The following FASLG variants were observed in gnomAD, a reference collection of about 807,000 sequenced individuals.
FASLG encodes the protein tumor necrosis factor ligand superfamily member 6.
In FASLG, 9 loss-of-function variants were observed where a neutral mutation model predicts 24.6. The observed-to-expected ratio is 0.37, with a 90% CI of 0.22 to 0.64. The LOEUF (loss-of-function observed/expected upper bound fraction) is 0.64. Ranked by LOEUF, FASLG falls within the 30% of genes least tolerant of loss-of-function variation. The pLI, the probability that FASLG is intolerant of heterozygous loss-of-function variation, is 0.64. For missense variants in FASLG, 306 were observed against 345.3 expected, an observed-to-expected ratio of 0.89 and a Z score of 0.90; for synonymous variants, 130 against 135.5, an observed-to-expected ratio of 0.96 and a Z score of 0.28.
At position 172,663,801 on chromosome 1, in the gene FASLG, G is replaced by C. The variant is rs3820654; in HGVS notation, c.395-533G>C. Among the ~76,000 whole-genome samples the C allele has an allele frequency of 8.5e-4, 130 of 152,256 alleles. 1 individual carries two copies. In the South Asian group the frequency reaches 0.017, roughly 20 times the overall value. ...GTAAAATGTCACTGGGGGAAGATCTGGTGACACGCAGACAGATCAGTAGTC... is the reference window on the plus strand; with the variant it reads ...GTAAAATGTCACTGGGGGAAGATCTCGTGACACGCAGACAGATCAGTAGTC... On this transcript the variant is annotated intron_variant, in intron 2 of 3. Transcript: ENST00000367721.
intron 2 of FASLG, among the ~76,000 whole-genome samples, chr1:172,663,983 A>G (rs961633025): frequency 2.0e-5 from 3 of 152,158 alleles, no homozygotes; most frequent in Non-Finnish European, 4.4e-5. Flanking sequence ...TCATTTTGCA[A>G]TCGATAAGGT....
intron 2 of FASLG, among the ~76,000 whole-genome samples, chr1:172,661,877 A>G (rs1659150942): frequency 6.6e-6 from 1 of 152,202 alleles, no homozygotes. Context: ...AGCGCTTTAG[A>G]AATACATAGC....
intron 2 of FASLG, among the ~76,000 whole-genome samples, chr1:172,660,418 C>T (rs896288609): frequency 2.6e-5 from 4 of 152,202 alleles, no homozygotes; most frequent in Non-Finnish European, 5.9e-5. Flanking sequence ...AACCCTGGAC[C>T]TTTGCCCCCT....
At position 172,660,251 on chromosome 1, in the gene FASLG, A is replaced by G. The variant is rs546180070; in HGVS notation, c.394+111A>G. 5.8e-5 allele frequency: 61 copies of G among 1,059,314 alleles called. No homozygotes were observed. The African/African-American group carries it at 7.3e-4, about 13-fold the overall frequency. The allele number at this position is 1,059,314 out of a possible 1,614,324, so 65.6% of individuals were successfully genotyped here. On this transcript the variant is annotated intron_variant, in intron 2 of 3. Coordinates refer to ENST00000367721, the MANE Select transcript of FASLG (RefSeq NM_000639.3). ...CCACACTTTGGTTTCTGTACACTAT[A>G]AGAGGAATTCTGGCTAATTCAGAAT...
rs1168457329 is a variant in FASLG at position 172,659,666 on chromosome 1, G to A, written c.348+117G>A. The A allele has an allele frequency of 7.8e-6, 11 of 1,407,404 alleles. No individual in the cohort carries two copies. In the East Asian group the frequency reaches 1.2e-4, roughly 16 times the overall value. The allele number at this position is 1,407,404 out of a possible 1,614,324, so 87.2% of individuals were successfully genotyped here. ...CTTTTTTTTTTTTTCTTAGAAATGG[G>A]TTGTTCTAGTTATTCTATTCTATAG... is the stretch of plus-strand genomic sequence containing the variant. On this transcript the variant is annotated intron_variant, in intron 1 of 3. Coordinates refer to ENST00000367721, the MANE Select transcript of FASLG (RefSeq NM_000639.3).
At chr1:172,665,543 C>T in intron 3 of FASLG, 79 bp from the exon 4 acceptor site, 1 of 1,535,198 alleles carries the variant, frequency 6.5e-7, no homozygotes, top group Non-Finnish European at 8.9e-7. Flanking sequence ...AAGGAAGGGC[C>T]CACAGTTTTG....
Position 172,665,991 on chromosome 1 carries a change from C to T in FASLG, c.821C>T (p.Thr274Met). 20 of 1,614,026 alleles carry T rather than the reference C, an allele frequency of 1.2e-5. No homozygotes were observed. Among genetic ancestry groups the T allele is most frequent in the Non-Finnish European group, 1.5e-5 (18 of 1,180,018 alleles). Residue 274 changes from threonine (T) to methionine (M), a missense_variant, in exon 4 of 4, where the codon ACG becomes ATG. Coordinates refer to ENST00000367721, the MANE Select transcript of FASLG (RefSeq NM_000639.3). ...LSLVNFEESQ[T>M]FFGLYKL is the part of the protein sequence containing the mutation. ...CTGGTCAATTTTGAGGAATCTCAGA[C>T]GTTTTTCGGCTTATATAAGCTCTAA...
chr1:172,662,115 T>A (rs1659155922), intron 2 of FASLG, among the ~76,000 whole-genome samples: 1 of 152,032 alleles, frequency 6.6e-6, no homozygotes. Context: ...CTAAAAGTGA[T>A]GTATCAGAAG....
At chr1:172,660,255 G>A (rs969212397) in intron 2 of FASLG, 115 bp downstream of exon 2, 1 of 1,018,512 alleles carries the variant, frequency 9.8e-7, no homozygotes, top group Non-Finnish European at 1.6e-6. Context: ...CACTATAAGA[G>A]GAATTCTGGC....
intron 2 of FASLG, among the ~76,000 whole-genome samples, chr1:172,660,389 G>C (rs1338553314): frequency 6.6e-6 from 1 of 152,160 alleles, no homozygotes; most frequent in Non-Finnish European, 1.5e-5. Flanking sequence ...CTTGACTTTG[G>C]AAAGAGACAC....
intron 2 of FASLG, among the ~76,000 whole-genome samples, chr1:172,662,789 A>G (rs531466264): frequency 6.6e-6 from 1 of 152,346 alleles, no homozygotes; most frequent in East Asian, 1.9e-4. Flanking sequence ...TTCTGTAAGA[A>G]TAACGTTGTA....
At position 172,664,359 on chromosome 1, in the gene FASLG, A is replaced by C; in HGVS notation, c.420A>C (p.Lys140Asn). 6.2e-7 allele frequency: 1 copy of C among 1,614,124 alleles called. No individual in the cohort carries two copies. The highest frequency in any genetic ancestry group is 1.1e-5 in the South Asian group (1 of 91,072). ...QIGHPSPPPE[K>N]KELRKVAHLT... ...GCCACCCCAGTCCACCCCCTGAAAA[A>C]AAGGAGCTGAGGAAAGTGGCCCATT... Residue 140 changes from lysine (K) to asparagine (N), a missense_variant, in exon 3 of 4, where the codon AAA (lysine) becomes AAC (asparagine). Physicochemically the swap from Lys to Asn is moderately conservative, Grantham distance 94. Coordinates refer to ENST00000367721, the MANE Select transcript of FASLG (RefSeq NM_000639.3).
chr1:172,661,671 A>G (rs6700734), intron 2 of FASLG, among the ~76,000 whole-genome samples: 38,865 of 152,060 alleles, frequency 0.26, 5,345 homozygotes, highest in South Asian at 0.39. Context: ...AAATTGGTAA[A>G]TCATCACATG....
At chr1:172,663,060 A>T (rs1036343431) in intron 2 of FASLG, among the ~76,000 whole-genome samples, 5 of 152,202 alleles carry the variant, frequency 3.3e-5, no homozygotes, top group African/African-American at 1.2e-4. Flanking sequence ...TTACAGGCTA[A>T]TCACGAACCT....
rs10640513 is a variant in FASLG, at chr1:172,666,616, G to GGTGTGTGTGT, written c.*623_*632dup. On this transcript the variant is annotated 3_prime_UTR_variant, in exon 4 of 4. Coordinates refer to ENST00000367721, the MANE Select transcript of FASLG (RefSeq NM_000639.3). Reference sequence around the variant, plus strand: ...TGTGTATTTCCAGTGCAATTGTAGGGGTGTGTGTGTGTGTGTGTGTGTGTG... The same window carrying GGTGTGTGTGT: ...TGTGTATTTCCAGTGCAATTGTAGGGGTGTGTGTGTGTGTGTGTGTGTGTGTGTGTGTGTG... 1 of 150,164 alleles carries GGTGTGTGTGT rather than the reference G, an allele frequency of 6.7e-6. No individual in the cohort carries two copies. Among genetic ancestry groups the GGTGTGTGTGT allele is most frequent in the African/African-American group, 2.5e-5 (1 of 40,338 alleles). The allele number at this position is 150,164 out of a possible 1,614,324, so 9.3% of individuals were successfully genotyped here. A position where few individuals can be genotyped will look rare whatever the true frequency, so the allele number is the denominator to read the frequency against.
chr1:172,660,577 G>C (rs539047982), intron 2 of FASLG, among the ~76,000 whole-genome samples: 1 of 152,214 alleles, frequency 6.6e-6, no homozygotes, highest in Non-Finnish European at 1.5e-5. Flanking sequence ...ATGCCCTAAA[G>C]AGATTACATT....
intron 3 of FASLG, 85 bp downstream of exon 3, chr1:172,664,475 T>C: frequency 7.7e-7 from 1 of 1,305,450 alleles, no homozygotes; most frequent in South Asian, 1.2e-5. Flanking sequence ...TACCAGGCTC[T>C]AGAGAGTTGT....
In FASLG at chr1:172,659,544, C is replaced by T. The variant is rs773045347; in HGVS notation, c.343C>T (p.Arg115Ter). Residue 115 changes from arginine (R) to a stop codon, truncating the protein, a stop_gained, in exon 1 of 4, where the codon CGA (arginine) becomes TGA (stop). Coordinates refer to ENST00000367721, the MANE Select transcript of FASLG (RefSeq NM_000639.3). LOFTEE classifies it high-confidence loss of function. The part of the protein sequence containing the change: ...FHLQKELAEL[R>*]ESTSQMHTAS... ...CCTACAGAAGGAGCTGGCAGAACTC[C>T]GAGAGGTAAGCCTGCCGGCAGACTG... 2 of 1,613,482 alleles carry T rather than the reference C, an allele frequency of 1.2e-6. No individual in the cohort carries two copies. The highest frequency in any genetic ancestry group is 2.2e-5 in the East Asian group (1 of 44,880).
chr1:172,665,992 G>GC lies in FASLG; in HGVS notation c.822_823insC (p.Phe275LeufsTer6). 1 of 1,614,054 alleles carries GC rather than the reference G, an allele frequency of 6.2e-7. No homozygotes were observed. Among genetic ancestry groups the GC allele is most frequent in the Non-Finnish European group, 8.5e-7 (1 of 1,179,992 alleles). On this transcript the variant is annotated frameshift_variant, in exon 4 of 4. Coordinates refer to ENST00000367721, the MANE Select transcript of FASLG (RefSeq NM_000639.3). LOFTEE classifies it high-confidence loss of function. ...TGGTCAATTTTGAGGAATCTCAGAC[G>GC]TTTTTCGGCTTATATAAGCTCTAAG...
Sources: allele counts gnomAD v4.1 joint callset (sites outside exome capture counted in the v4.1 genomes callset), GRCh38; gene constraint gnomAD v4.1.1; transcripts MANE v1.5; gene names NCBI Gene and HGNC (gene_info 2026-07-23, HGNC 2026-07-21).